RASEF: variants seen among roughly 807,000 people sequenced by gnomAD.
RASEF encodes RAS and EF-hand domain containing.
Under a neutral mutation model 90.1 loss-of-function variants are expected in RASEF, and 68 were observed. The ratio of observed to expected loss-of-function variants is 0.75; its 90% CI spans 0.62 to 0.92. The LOEUF (loss-of-function observed/expected upper bound fraction) is 0.92, where lower values mean the gene tolerates loss of function less well. RASEF is among the 40% of genes least tolerant of loss of function. The pLI, the probability that RASEF is intolerant of heterozygous loss-of-function variation, is 0.00. For missense variants in RASEF, 949 were observed against 937.2 expected (o/e 1.01, Z -0.16); for synonymous variants, 331 against 345.2 (o/e 0.96, Z 0.46).
chr9:83,194,854 T>C, the RASEF span, among the ~76,000 whole-genome samples: 1 of 152,236 alleles, frequency 6.6e-6, no homozygotes, highest in Non-Finnish European at 1.5e-5. Context: ...CCCTTTGATA[T>C]GCCCCATTCT....
At chr9:82,991,116 C>G (rs563082207) in intron 15 of RASEF, among the ~76,000 whole-genome samples, 1 of 152,048 alleles carries the variant, frequency 6.6e-6, no homozygotes, top group African/African-American at 2.4e-5. Context: ...CCTCACTCAT[C>G]CCCCACTCAC....
intron 1 of RASEF, among the ~76,000 whole-genome samples, chr9:83,061,664 C>T (rs1392520869): frequency 6.6e-6 from 1 of 152,206 alleles, no homozygotes; most frequent in Non-Finnish European, 1.5e-5. Context: ...CATCCCCTTA[C>T]CTCCTGATAA....
intron 2 of RASEF, among the ~76,000 whole-genome samples, chr9:83,022,902 A>G (rs992599887): frequency 6.6e-6 from 1 of 152,226 alleles, no homozygotes; most frequent in Admixed American, 6.5e-5. Context: ...TTATATTCTT[A>G]TGGGACCACT....
upstream of RASEF, among the ~76,000 whole-genome samples, chr9:83,066,151 T>C (rs1321028803): frequency 6.6e-6 from 1 of 152,240 alleles, no homozygotes; most frequent in Non-Finnish European, 1.5e-5. Context: ...ATGGCTTTTA[T>C]TGTCCCCCAA....
chr9:83,173,589 T>C, the RASEF span, among the ~76,000 whole-genome samples: 2 of 151,762 alleles, frequency 1.3e-5, no homozygotes, highest in African/African-American at 4.8e-5. Context: ...TTGATTTCCT[T>C]ATTATTGTTT....
the RASEF span, among the ~76,000 whole-genome samples, chr9:83,213,530 A>G: frequency 6.6e-6 from 1 of 152,228 alleles, no homozygotes; most frequent in African/African-American, 2.4e-5. Flanking sequence ...TATCTGTCTC[A>G]TTTAAAATAA....
rs1829012848 is a variant in RASEF at position 83,000,513 on chromosome 9, C to T, written c.1495G>A (p.Asp499Asn). 1 of 1,613,522 alleles carries T rather than the reference C, an allele frequency of 6.2e-7. No homozygotes were observed. Among genetic ancestry groups the T allele is most frequent in the Non-Finnish European group, 8.5e-7 (1 of 1,179,632 alleles). Residue 499 changes from aspartate (D) to asparagine (N), a missense_variant, in exon 11 of 17, where the codon GAC becomes AAC. Asp to Asn is a conservative substitution (Grantham distance 23). Coordinates refer to ENST00000376447, the MANE Select transcript of RASEF (RefSeq NM_152573.4). ...CTAACAGACCCTTGGGGCTTCCAGT[C>T]TAAGACGGAAGCCACATCTTCTAAA... Reference protein sequence around the residue: ...FGLEDVASVLDWKPQGSVSEG... With the variant: ...FGLEDVASVLNWKPQGSVSEG...
chr9:83,204,659 CAT>C, the RASEF span, among the ~76,000 whole-genome samples: 2 of 152,138 alleles, frequency 1.3e-5, no homozygotes, highest in African/African-American at 4.8e-5. Flanking sequence ...TCTAATAGCA[CAT>C]GATGACTATA....
chr9:83,164,347 G>GTGTGTGTGTATATA, the RASEF span, among the ~76,000 whole-genome samples: 5 of 129,988 alleles, frequency 3.8e-5, no homozygotes, highest in African/African-American at 1.4e-4. Flanking sequence ...GTATATGTGT[G>GTGTGTGTGTATATA]TATATATATA....
At chr9:83,149,733 T>C in the RASEF span, among the ~76,000 whole-genome samples, 246 of 152,264 alleles carry the variant, frequency 1.6e-3, 1 homozygote, top group African/African-American at 5.7e-3. Flanking sequence ...CCACGTCAGG[T>C]ACTCAACAGC....
the RASEF span, among the ~76,000 whole-genome samples, chr9:83,144,969 C>A: frequency 1.3e-5 from 2 of 152,128 alleles, no homozygotes; most frequent in African/African-American, 4.8e-5. Context: ...ATATTAATAT[C>A]ATGGATTTTT....
the RASEF span, among the ~76,000 whole-genome samples, chr9:83,090,587 A>G: frequency 6.6e-6 from 1 of 152,012 alleles, no homozygotes; most frequent in Non-Finnish European, 1.5e-5. Context: ...TATTTTTAGT[A>G]GAGATGGGGT....
At chr9:83,055,496 A>C (rs1564090658) in intron 1 of RASEF, 1 of 684,722 alleles carries the variant, frequency 1.5e-6, no homozygotes, top group South Asian at 1.5e-5. Context: ...TGCAGAAATC[A>C]CCCGTCTTCT....
At chr9:83,141,058 G>A in the RASEF span, among the ~76,000 whole-genome samples, 26 of 149,844 alleles carry the variant, frequency 1.7e-4, no homozygotes, top group Admixed American at 1.2e-3. Flanking sequence ...CAAGAGAATC[G>A]CTTGAACCTG....
the RASEF span, among the ~76,000 whole-genome samples, chr9:83,118,814 C>T: frequency 1.3e-5 from 2 of 152,080 alleles, no homozygotes; most frequent in African/African-American, 2.4e-5. Context: ...ATGAGTTTTA[C>T]CTAACATTTG....
chr9:82,995,513 C>T (rs567790013), intron 14 of RASEF, among the ~76,000 whole-genome samples: 84 of 152,184 alleles, frequency 5.5e-4, no homozygotes, highest in Non-Finnish European at 1.0e-3. Context: ...AGCACAATCA[C>T]GGCTTACTTC....
At chr9:82,997,317 G>A (rs183650961) in intron 13 of RASEF, among the ~76,000 whole-genome samples, 191 bp from the exon 14 acceptor site, 9 of 152,248 alleles carry the variant, frequency 5.9e-5, no homozygotes, top group Non-Finnish European at 1.3e-4. Flanking sequence ...GAGAATCTGG[G>A]TGACCGACTT....
chr9:83,071,684 G>A, the RASEF span, among the ~76,000 whole-genome samples: 2 of 152,156 alleles, frequency 1.3e-5, no homozygotes, highest in African/African-American at 2.4e-5. Flanking sequence ...GGGATTACAG[G>A]TGTGAGCCAC....
intron 4 of RASEF, among the ~76,000 whole-genome samples, chr9:83,015,568 T>C (rs1323593294): frequency 6.6e-6 from 1 of 152,170 alleles, no homozygotes; most frequent in Non-Finnish European, 1.5e-5. Context: ...TAATCCCAGC[T>C]ACTCAGGAGG....
Sources: gnomAD v4.1 joint callset for allele counts (sites outside exome capture counted in the v4.1 genomes callset) on GRCh38, gnomAD v4.1.1 for gene constraint, MANE v1.5 for transcripts, NCBI Gene and HGNC (gene_info 2026-07-23, HGNC 2026-07-21) for gene names.